OCA2: variants seen among roughly 807,000 people sequenced by gnomAD.
OCA2 encodes P protein.
OCA2 carries 77 observed loss-of-function variants against 100.2 expected under a neutral mutation model. That is an observed-to-expected ratio of 0.77 (90% CI 0.64 to 0.93). The LOEUF is 0.93. Among genes scored for constraint, OCA2 ranks in the 40% least tolerant of loss-of-function variants. The pLI is 0.00. For synonymous variants in OCA2, 432 were observed against 439.2 expected (o/e 0.98, Z 0.21); for missense variants, 1,062 against 1,089.1 (o/e 0.98, Z 0.35).
chr15:28,045,099 A>G (rs1179811900), intron 2 of OCA2, among the ~76,000 whole-genome samples: 1 of 152,132 alleles, frequency 6.6e-6, no homozygotes, highest in African/African-American at 2.4e-5. Flanking sequence ...CTATTTGACA[A>G]TCTGTTCCTT....
intron 19 of OCA2, among the ~76,000 whole-genome samples, chr15:27,898,331 G>A (rs1234464455): frequency 1.3e-5 from 2 of 152,180 alleles, no homozygotes; most frequent in African/African-American, 2.4e-5. Flanking sequence ...CACAAGTCAT[G>A]GGAGGAACAC....
At chr15:28,086,752 A>G (rs2044782663) in intron 1 of OCA2, among the ~76,000 whole-genome samples, 1 of 152,234 alleles carries the variant, frequency 6.6e-6, no homozygotes, top group South Asian at 2.1e-4. Flanking sequence ...AGTCTCAGCA[A>G]ATAAGACTCA....
At chr15:27,851,854 A>G (rs2035764809) in intron 21 of OCA2, among the ~76,000 whole-genome samples, 1 of 152,136 alleles carries the variant, frequency 6.6e-6, no homozygotes, top group African/African-American at 2.4e-5. Context: ...ACATCCCTCA[A>G]GTGTGCTGTT....
chr15:27,838,567 T>C (rs1029995863), intron 23 of OCA2, among the ~76,000 whole-genome samples: 1 of 152,198 alleles, frequency 6.6e-6, no homozygotes, highest in African/African-American at 2.4e-5. Context: ...GGCCCATGGA[T>C]ACCCAAGGGA....
At position 28,069,431 on chromosome 15, in the gene OCA2, TCC is replaced by T. The variant is rs369152497; in HGVS notation, c.227+12215_227+12216del. ...TTCCCCCTCCCCCTCCCCCTCCCCC[TCC>T]CCCTCTCCCCGGTCTCCCTCTCATG... On this transcript the variant is annotated intron_variant, in intron 2 of 23. Transcript: ENST00000354638. Among the ~76,000 whole-genome samples, 64 of 34,184 alleles carry T rather than the reference TCC, an allele frequency of 1.9e-3. 12 individuals are homozygous for T. In the African/African-American group the frequency reaches 0.019, roughly 10 times the overall value. The allele number at this position is 34,184 out of a possible 152,430, so 22.4% of individuals were successfully genotyped here. A position where few individuals can be genotyped will look rare whatever the true frequency, so the allele number is the denominator to read the frequency against.
chr15:27,770,590 A>T (rs1297685187), intron 23 of OCA2, among the ~76,000 whole-genome samples: 1 of 151,354 alleles, frequency 6.6e-6, no homozygotes, highest in African/African-American at 2.4e-5. Context: ...TGCCCAGCGC[A>T]GCTGCCCTTG....
At chr15:27,894,541 C>A (rs917486059) in intron 19 of OCA2, among the ~76,000 whole-genome samples, 1 of 152,174 alleles carries the variant, frequency 6.6e-6, no homozygotes, top group Non-Finnish European at 1.5e-5. Context: ...ACCTGGTGAC[C>A]TTTTCGAAGG....
intron 23 of OCA2, among the ~76,000 whole-genome samples, chr15:27,791,192 A>C (rs1213715663): frequency 6.6e-6 from 1 of 152,158 alleles, no homozygotes; most frequent in East Asian, 1.9e-4. Context: ...AATATACAAA[A>C]TGTATGTTCA....
chr15:27,721,937 C>T, the OCA2 span, among the ~76,000 whole-genome samples: 2 of 152,162 alleles, frequency 1.3e-5, no homozygotes, highest in African/African-American at 4.8e-5. Context: ...AAGAGATGAC[C>T]TCTGTGTCTC....
At chr15:27,926,031 A>G in intron 19 of OCA2, 96 bp downstream of exon 19, 2 of 1,399,826 alleles carry the variant, frequency 1.4e-6, no homozygotes, top group South Asian at 2.4e-5. Context: ...AATATAAGGA[A>G]AGATTAATAG....
chr15:27,870,190 G>A (rs2036489182), intron 21 of OCA2, among the ~76,000 whole-genome samples: 1 of 152,226 alleles, frequency 6.6e-6, no homozygotes, highest in East Asian at 1.9e-4. Flanking sequence ...ATACAGGGCG[G>A]TGGGATGTCT....
chr15:27,896,011 G>A, intron 19 of OCA2: 2 of 995,870 alleles, frequency 2.0e-6, no homozygotes, highest in Non-Finnish European at 3.1e-6. Context: ...GTACTGGCCT[G>A]CAGGCTTCTC....
chr15:28,021,225 G>T (rs1208174845), intron 6 of OCA2, among the ~76,000 whole-genome samples: 1 of 152,192 alleles, frequency 6.6e-6, no homozygotes, highest in African/African-American at 2.4e-5. Flanking sequence ...AGTACCGGGG[G>T]CTTCAGGGGC....
intron 4 of OCA2, among the ~76,000 whole-genome samples, chr15:28,025,160 A>G (rs1010246525): frequency 1.3e-5 from 2 of 152,238 alleles, no homozygotes; most frequent in African/African-American, 4.8e-5. Flanking sequence ...TGGGGAAACT[A>G]AAGTTCAAGA....
chr15:27,913,887 GAA>G lies in OCA2; in HGVS notation c.2079+12238_2079+12239del, dbSNP rs1225581345. Among the ~76,000 whole-genome samples the G allele has an allele frequency of 7.4e-4, 36 of 48,866 alleles. 3 individuals are homozygous for G. The highest frequency in any genetic ancestry group is 3.1e-3 in the African/African-American group (34 of 10,878). 32.1% of individuals were successfully genotyped at this position (48,866 alleles called of 152,430 possible). A position where few individuals can be genotyped will look rare whatever the true frequency, so the allele number is the denominator to read the frequency against. ...AGAAAGAAAGAAAGAAAGAAAGAAAGAAAGAAAGCAAGCAAGCAAGCAAGCAA... is the reference window on the plus strand; with the variant it reads ...AGAAAGAAAGAAAGAAAGAAAGAAAGAGAAAGCAAGCAAGCAAGCAAGCAA... On this transcript the variant is annotated intron_variant, in intron 19 of 23. Coordinates refer to ENST00000354638, the MANE Select transcript of OCA2 (RefSeq NM_000275.3).
rs116618383 is a variant in OCA2, at chr15:27,888,470, G to A, written c.2080-16548C>T. Among the ~76,000 whole-genome samples the A allele has an allele frequency of 2.7e-3, 410 of 152,252 alleles. 2 individuals are homozygous for A. Among genetic ancestry groups the A allele is most frequent in the African/African-American group, 9.5e-3 (395 of 41,542 alleles). ...AGGACAAACACCTGATGCCAACACT[G>A]AGATATATCGGATGCTGGATTATCT... is the stretch of plus-strand genomic sequence containing the variant. On this transcript the variant is annotated intron_variant, in intron 19 of 23. Coordinates refer to ENST00000354638, the MANE Select transcript of OCA2 (RefSeq NM_000275.3).
At chr15:28,022,152 C>T (rs1200795736) in intron 6 of OCA2, among the ~76,000 whole-genome samples, 1 of 152,222 alleles carries the variant, frequency 6.6e-6, no homozygotes, top group Non-Finnish European at 1.5e-5. Context: ...CAAGGTGACA[C>T]AGCCAGGACA....
chr15:27,775,407 A>G lies in OCA2; in HGVS notation c.2433-19935T>C, dbSNP rs961446132. Among the ~76,000 whole-genome samples the G allele has an allele frequency of 3.9e-5, 6 of 152,218 alleles. 1 individual carries two copies. The highest frequency in any genetic ancestry group is 3.9e-4 in the Admixed American group (6 of 15,304). On this transcript the variant is annotated intron_variant, in intron 23 of 23. Transcript: ENST00000354638. ...CTGTACTGAAAAAGATCCCACACCT[A>G]TGGAGATGGTATTAAAATCTATGAA...
chr15:27,805,969 G>C (rs967909249), intron 23 of OCA2, among the ~76,000 whole-genome samples: 1 of 152,264 alleles, frequency 6.6e-6, no homozygotes, highest in African/African-American at 2.4e-5. Context: ...CACCACTGCG[G>C]AGTTACAGTG....
Sources: gnomAD v4.1 joint callset for allele counts (sites outside exome capture counted in the v4.1 genomes callset) on GRCh38, gnomAD v4.1.1 for gene constraint, MANE v1.5 for transcripts, NCBI Gene and HGNC (gene_info 2026-07-23, HGNC 2026-07-21) for gene names.